NKAIN3: variants seen among roughly 807,000 people sequenced by gnomAD.
NKAIN3 encodes the protein sodium/potassium transporting ATPase interacting 3.
Under a neutral mutation model 30.2 loss-of-function variants are expected in NKAIN3, and 25 were observed. The ratio of observed to expected loss-of-function variants is 0.83; its 90% confidence interval spans 0.60 to 1.16. The LOEUF is 1.16. Ranked by LOEUF, NKAIN3 falls within the 50% of genes most tolerant of loss-of-function variation. The pLI is 0.00. For missense variants in NKAIN3, 225 were observed against 254.1 expected (o/e 0.89, Z 0.78); for synonymous variants, 91 against 89.6 (o/e 1.02, Z -0.09).
chr8:62,615,939 C>T (rs895177136), intron 3 of NKAIN3, among the ~76,000 whole-genome samples: 1 of 152,040 alleles, frequency 6.6e-6, no homozygotes. Context: ...GCTATGATTG[C>T]TCGCCTGATT....
chr8:62,946,268 G>A lies in NKAIN3; in HGVS notation c.533-7634G>A, dbSNP rs377675676. Among the ~76,000 whole-genome samples, 60 of 152,256 alleles carry A rather than the reference G, an allele frequency of 3.9e-4. 1 individual carries two copies. Among genetic ancestry groups the A allele is most frequent in the African/African-American group, 1.1e-3 (44 of 41,554 alleles). ...CAACCACCCCCGGGACATAAGCAAC[G>A]GTTTAAGGCACTGTCAAGTCCACTG... On this transcript the variant is annotated intron_variant, in intron 5 of 6. Coordinates refer to ENST00000623646, the MANE Select transcript of NKAIN3 (RefSeq NM_001304533.3).
chr8:62,661,514 A>G (rs535059246), intron 3 of NKAIN3, among the ~76,000 whole-genome samples: 2 of 152,322 alleles, frequency 1.3e-5, no homozygotes, highest in Non-Finnish European at 2.9e-5. Flanking sequence ...ATTTAAACTT[A>G]GCAGTCTTCC....
chr8:62,363,206 T>C (rs1453513931), intron 1 of NKAIN3, among the ~76,000 whole-genome samples: 3 of 152,216 alleles, frequency 2.0e-5, no homozygotes, highest in Non-Finnish European at 2.9e-5. Flanking sequence ...CTCTGACACA[T>C]ACTTGGTAAC....
At position 62,953,207 on chromosome 8, in the gene NKAIN3, C is replaced by T. The variant is rs527424764; in HGVS notation, c.533-695C>T. Among the ~76,000 whole-genome samples the T allele has an allele frequency of 2.6e-5, 4 of 152,198 alleles. No homozygotes were observed. In the South Asian group the frequency reaches 8.3e-4, roughly 32 times the overall value. On this transcript the variant is annotated intron_variant, in intron 5 of 6. Transcript: ENST00000623646. ...CTGTATGCCTGTTAATGTTAGAGTG[C>T]TATAATGCAACCAAAGCTTGGTTTA...
intron 3 of NKAIN3, among the ~76,000 whole-genome samples, chr8:62,660,122 A>G (rs1442703609): frequency 1.7e-4 from 26 of 152,106 alleles, no homozygotes; most frequent in Admixed American, 1.7e-3. Flanking sequence ...CAAGTTACCA[A>G]CTTGGTTGGG....
intron 1 of NKAIN3, among the ~76,000 whole-genome samples, chr8:62,427,124 C>A (rs1265176256): frequency 6.6e-6 from 1 of 152,062 alleles, no homozygotes; most frequent in East Asian, 1.9e-4. Context: ...GAGAAAGCTA[C>A]AAATACAGGC....
chr8:62,458,865 T>C (rs1195038115), intron 1 of NKAIN3, among the ~76,000 whole-genome samples: 1 of 152,200 alleles, frequency 6.6e-6, no homozygotes, highest in Non-Finnish European at 1.5e-5. Flanking sequence ...TTCTGGGCTG[T>C]AGGGACGAGT....
intron 5 of NKAIN3, among the ~76,000 whole-genome samples, chr8:62,930,262 T>G (rs1226775242): frequency 2.6e-5 from 4 of 152,000 alleles, no homozygotes; most frequent in Admixed American, 2.0e-4. Flanking sequence ...ATTCTACCTT[T>G]TTTTTTTGGA....
In NKAIN3 at chr8:62,965,484, T is replaced by A. The variant is rs969404972; in HGVS notation, c.*77T>A. 6.1e-5 allele frequency: 60 copies of A among 985,772 alleles called. No homozygotes were observed. The African/African-American group carries it at 9.6e-4, about 16-fold the overall frequency. 61.1% of individuals were successfully genotyped at this position (985,772 alleles called of 1,614,324 possible). On this transcript the variant is annotated 3_prime_UTR_variant, in exon 7 of 7. Transcript: ENST00000623646. ...TTCCTTCCAGAGGCTAGACTGTGCT[T>A]CCTGGCTTTCCCACGAATCATGGAG...
chr8:62,616,466 G>A (rs1600546), intron 3 of NKAIN3, among the ~76,000 whole-genome samples: 73,157 of 151,908 alleles, frequency 0.48, 20,701 homozygotes, highest in African/African-American at 0.79. Context: ...GCAGCCAAAC[G>A]GAAGAAAGCC....
intron 4 of NKAIN3, among the ~76,000 whole-genome samples, chr8:62,815,622 CAT>C (rs1157618439): frequency 1.3e-5 from 2 of 152,112 alleles, no homozygotes; most frequent in African/African-American, 4.8e-5. Context: ...ACAAAAACCA[CAT>C]GATTATCTCA....
downstream of NKAIN3, among the ~76,000 whole-genome samples, chr8:62,987,538 G>C (rs554939180): frequency 2.0e-4 from 31 of 152,252 alleles, no homozygotes; most frequent in African/African-American, 7.5e-4. Flanking sequence ...TTACATAGCA[G>C]CAGGGAAGAG....
chr8:62,878,414 C>T (rs1820865257), intron 4 of NKAIN3, among the ~76,000 whole-genome samples: 1 of 152,140 alleles, frequency 6.6e-6, no homozygotes, highest in Admixed American at 6.6e-5. Flanking sequence ...CTGGCAAACA[C>T]ATTAATCACT....
chr8:62,761,863 G>A (rs1816674907), intron 4 of NKAIN3, among the ~76,000 whole-genome samples: 1 of 152,170 alleles, frequency 6.6e-6, no homozygotes, highest in African/African-American at 2.4e-5. Flanking sequence ...AGTTTATATT[G>A]AGACTTACTT....
At chr8:62,512,562 C>G (rs1020250950) in intron 1 of NKAIN3, among the ~76,000 whole-genome samples, 1 of 152,066 alleles carries the variant, frequency 6.6e-6, no homozygotes, top group African/African-American at 2.4e-5. Flanking sequence ...TTTCAATTCT[C>G]CCAGCTGCCT....
intron 4 of NKAIN3, among the ~76,000 whole-genome samples, chr8:62,765,680 T>C (rs998759582): frequency 2.0e-5 from 3 of 152,182 alleles, no homozygotes; most frequent in African/African-American, 7.2e-5. Context: ...TGCAGATGAT[T>C]CTATTAGATT....
At chr8:62,407,897 G>A (rs1424227938) in intron 1 of NKAIN3, among the ~76,000 whole-genome samples, 2 of 152,252 alleles carry the variant, frequency 1.3e-5, no homozygotes, top group Middle Eastern at 3.4e-3. Context: ...CTATGTGGTG[G>A]CACGTGTCCC....
chr8:62,419,599 T>A (rs190868776), intron 1 of NKAIN3, among the ~76,000 whole-genome samples: 6 of 152,270 alleles, frequency 3.9e-5, no homozygotes, highest in African/African-American at 1.2e-4. Context: ...GACAAATAGA[T>A]AAATCTTGTA....
At chr8:62,863,376 A>G (rs981017389) in intron 4 of NKAIN3, 31 of 1,546,980 alleles carry the variant, frequency 2.0e-5, no homozygotes, top group Non-Finnish European at 2.6e-5. Context: ...TCACATATGC[A>G]TCATCCATAC....
Sources: gnomAD v4.1 joint callset for allele counts (sites outside exome capture counted in the v4.1 genomes callset) on GRCh38, gnomAD v4.1.1 for gene constraint, MANE v1.5 for transcripts, NCBI Gene and HGNC (gene_info 2026-07-23, HGNC 2026-07-21) for gene names.